TPCN2: variants seen among roughly 807,000 people sequenced by gnomAD.
The protein encoded by TPCN2 is two pore channel protein 2.
A neutral mutation model predicts 111.4 loss-of-function variants in TPCN2; 92 were observed. The observed-to-expected ratio is 0.83, with a 90% CI of 0.70 to 0.98. TPCN2 has a LOEUF of 0.98. Among genes scored for constraint, TPCN2 ranks in the 50% least tolerant of loss-of-function variants. TPCN2 has a pLI of 0.00. For missense variants in TPCN2, 995 were observed against 980.1 expected (o/e 1.02, Z -0.20); for synonymous variants, 405 against 414.5 (o/e 0.98, Z 0.28).
At chr11:69,057,796 TCCTGCCCA>T in intron 5 of TPCN2, 102 bp downstream of exon 5, 1 of 1,038,940 alleles carries the variant, frequency 9.6e-7, no homozygotes, top group Non-Finnish European at 1.5e-6. Flanking sequence ...CCGCCAGCCA[TCCTGCCCA>T]CCCGCCCAGC....
chr11:69,054,130 G>C (rs778189646), intron 2 of TPCN2, 33 bp downstream of exon 2: 222 of 1,588,664 alleles, frequency 1.4e-4, no homozygotes, highest in Non-Finnish European at 1.8e-4. Context: ...GGCCGGGCCT[G>C]GGGGGTGGCC....
At chr11:69,073,161 C>G (rs1051797715) in intron 13 of TPCN2, among the ~76,000 whole-genome samples, 160 bp downstream of exon 13, 1 of 152,180 alleles carries the variant, frequency 6.6e-6, no homozygotes, top group African/African-American at 2.4e-5. Flanking sequence ...CTCTTTGGCT[C>G]TTGGAGACTG....
Position 69,055,000 on chromosome 11 carries a change from C to A in TPCN2, c.252-175C>A, listed in dbSNP as rs115602952. ...ACAACAAGGGTTCCTTTCTGGAATGCTGTGGTCAGCCCTCGGCAATGGAGC... is the reference window on the plus strand; with the variant it reads ...ACAACAAGGGTTCCTTTCTGGAATGATGTGGTCAGCCCTCGGCAATGGAGC... On this transcript the variant is annotated intron_variant, in intron 3 of 24. Coordinates refer to ENST00000294309, the MANE Select transcript of TPCN2 (RefSeq NM_139075.4). Among the ~76,000 whole-genome samples the A allele has an allele frequency of 8.9e-3, 1,354 of 152,348 alleles. 33 individuals carry two copies. The highest frequency in any genetic ancestry group is 0.031 in the African/African-American group (1,270 of 41,586).
At chr11:69,077,088 C>T (rs1412226051) in intron 13 of TPCN2, among the ~76,000 whole-genome samples, 1 of 104,762 alleles carries the variant, frequency 9.5e-6, no homozygotes, top group South Asian at 3.1e-4. Context: ...TCCTGCCCTC[C>T]TGCCATGTCC....
At chr11:69,067,085 C>T (rs150926986) in intron 7 of TPCN2, among the ~76,000 whole-genome samples, 136 of 152,306 alleles carry the variant, frequency 8.9e-4, no homozygotes, top group African/African-American at 2.9e-3. Context: ...GCAGGCTTCA[C>T]GAAGGGTCCA....
rs1451966582 is a variant in TPCN2, at chr11:69,051,789, G to C, written c.110-2244G>C. 2.0e-5 allele frequency among the ~76,000 whole-genome samples: 3 copies of C among 152,196 alleles called. No individual in the cohort carries two copies. In the South Asian group the frequency reaches 6.2e-4, roughly 31 times the overall value. The stretch of plus-strand genomic sequence containing the variant: ...CACAAATTGGGGGATGGTGCTCCTG[G>C]CAGAAGCAGCAGCCTGAGTAAAGGG... On this transcript the variant is annotated intron_variant, in intron 1 of 24. Transcript: ENST00000294309.
rs759453751 is a variant in TPCN2 at position 69,085,834 on chromosome 11, C to G, written c.1921-14C>G. ...TCCTGGGCCCTCCTGGACCGCTGGT[C>G]TCTGCCCCCGCAGGCTGCCCTGGTC... On this transcript the variant is annotated splice_polypyrimidine_tract_variant and intron_variant, in intron 21 of 24. Coordinates refer to ENST00000294309, the MANE Select transcript of TPCN2 (RefSeq NM_139075.4). 1 of 1,614,096 alleles carries G rather than the reference C, an allele frequency of 6.2e-7. No homozygotes were observed. The highest frequency in any genetic ancestry group is 1.1e-5 in the South Asian group (1 of 91,084).
rs545245382 is a variant in TPCN2, at chr11:69,085,977, G to C, written c.2003+47G>C. On this transcript the variant is annotated intron_variant, in intron 22 of 24. Coordinates refer to ENST00000294309, the MANE Select transcript of TPCN2 (RefSeq NM_139075.4). The stretch of plus-strand genomic sequence containing the variant: ...GGCAGTGATTCTCCGTGCAGCCTGG[G>C]GGTTCCCTCACCTCCGGGCACGCTG... 44 of 1,570,346 alleles carry C rather than the reference G, an allele frequency of 2.8e-5. 1 individual carries two copies. The East Asian group carries it at 8.5e-4, about 30-fold the overall frequency.
rs986371274 is a variant in TPCN2 at position 69,084,563 on chromosome 11, C to T, written c.1761+547C>T. ...TGGCCGGGCTTGGGCAGGAGAGGGG[C>T]CTGTGACCAGGCAGGCCCCAGATCC... is the stretch of plus-strand genomic sequence containing the variant. On this transcript the variant is annotated intron_variant, in intron 19 of 24. Coordinates refer to ENST00000294309, the MANE Select transcript of TPCN2 (RefSeq NM_139075.4). The T allele has an allele frequency of 3.9e-5, 38 of 985,138 alleles. No homozygotes were observed. In the African/African-American group the frequency reaches 6.4e-4, roughly 17 times the overall value. 61.0% of individuals were successfully genotyped at this position (985,138 alleles called of 1,614,324 possible).
At chr11:69,063,299 C>T (rs1277906733) in intron 6 of TPCN2, among the ~76,000 whole-genome samples, 2 of 152,048 alleles carry the variant, frequency 1.3e-5, no homozygotes, top group African/African-American at 2.4e-5. Context: ...CCCTCTGTGG[C>T]TGTGCCCTGC....
At chr11:69,086,116 C>T (rs1442137972) in intron 22 of TPCN2, among the ~76,000 whole-genome samples, 186 bp downstream of exon 22, 2 of 152,206 alleles carry the variant, frequency 1.3e-5, no homozygotes, top group East Asian at 1.9e-4. Flanking sequence ...ATAGCCACAT[C>T]GTGACTCTCA....
chr11:69,071,476 G>A (rs1481172637), intron 10 of TPCN2, 56 bp downstream of exon 10: 2 of 1,532,738 alleles, frequency 1.3e-6, no homozygotes. Flanking sequence ...GCCAAGCAGG[G>A]TGTGGCTTGA....
chr11:69,054,213 A>AGAGAACT (rs773898184), intron 2 of TPCN2, 116 bp downstream of exon 2: 4 of 804,812 alleles, frequency 5.0e-6, no homozygotes, highest in Non-Finnish European at 8.2e-6. Flanking sequence ...CTGTAGGTTA[A>AGAGAACT]GAGAACTGAG....
intron 9 of TPCN2, among the ~76,000 whole-genome samples, 177 bp from the exon 10 acceptor site, chr11:69,071,179 C>A (rs1855520552): frequency 6.6e-6 from 1 of 151,624 alleles, no homozygotes; most frequent in Non-Finnish European, 1.5e-5. Flanking sequence ...CCCACACTTT[C>A]TGTTCTGTCC....
At chr11:69,063,867 C>A in intron 6 of TPCN2, 28 bp from the exon 7 acceptor site, 1 of 1,611,830 alleles carries the variant, frequency 6.2e-7, no homozygotes, top group Non-Finnish European at 8.5e-7. Context: ...GCCGCCTGGC[C>A]CAGGCTGAGT....
intron 1 of TPCN2, among the ~76,000 whole-genome samples, chr11:69,050,917 T>C (rs557921548): frequency 6.6e-6 from 1 of 152,374 alleles, no homozygotes; most frequent in South Asian, 2.1e-4. Flanking sequence ...GAGCGCTCTT[T>C]GTCCCTATGC....
intron 5 of TPCN2, among the ~76,000 whole-genome samples, chr11:69,058,423 C>T (rs1854870886): frequency 6.6e-6 from 1 of 152,036 alleles, no homozygotes; most frequent in African/African-American, 2.4e-5. Context: ...GGGAGGGGCC[C>T]ATAGAGCTGG....
At chr11:69,073,901 C>T (rs571963834) in intron 13 of TPCN2, among the ~76,000 whole-genome samples, 2 of 152,270 alleles carry the variant, frequency 1.3e-5, no homozygotes, top group East Asian at 3.9e-4. Flanking sequence ...ATCGCCTTCT[C>T]CCTGTATCCT....
At chr11:69,071,139 ACCAACAGC>A (rs1855517444) in intron 9 of TPCN2, among the ~76,000 whole-genome samples, 1 of 121,876 alleles carries the variant, frequency 8.2e-6, no homozygotes, top group Admixed American at 8.2e-5. Flanking sequence ...GGGATCCCCC[ACCAACAGC>A]TTCACCCCAG....
Sources: gnomAD v4.1 joint callset for allele counts (sites outside exome capture counted in the v4.1 genomes callset) on GRCh38, gnomAD v4.1.1 for gene constraint, MANE v1.5 for transcripts, NCBI Gene and HGNC (gene_info 2026-07-23, HGNC 2026-07-21) for gene names.